Variants in LIN7A observed in about 807,000 individuals in gnomAD.
The protein encoded by LIN7A is lin-7 cell polarity scaffold A.
Under a neutral mutation model 29.8 loss-of-function variants are expected in LIN7A, and 25 were observed. The ratio of observed to expected loss-of-function variants is 0.84; its 90% CI spans 0.61 to 1.17. The LOEUF is 1.17. LIN7A is among the 50% of genes most tolerant of loss of function. The pLI is 0.00. For missense variants in LIN7A, 239 were observed against 287.0 expected, an observed-to-expected ratio of 0.83 and a Z score of 1.21; for synonymous variants, 118 against 107.5, an observed-to-expected ratio of 1.10 and a Z score of -0.60.
intron 1 of LIN7A, among the ~76,000 whole-genome samples, chr12:80,923,208 C>T (rs1389527282): frequency 4.6e-5 from 7 of 152,180 alleles, no homozygotes; most frequent in Non-Finnish European, 8.8e-5. Flanking sequence ...ACTGCAGTTT[C>T]TCTGGTTTCT....
chr12:80,933,804 A>G (rs1878052564), intron 1 of LIN7A, among the ~76,000 whole-genome samples: 2 of 151,928 alleles, frequency 1.3e-5, no homozygotes, highest in Non-Finnish European at 2.9e-5. Flanking sequence ...GTGTTCCTTT[A>G]CTAACACATC....
intron 4 of LIN7A, among the ~76,000 whole-genome samples, chr12:80,814,584 G>C (rs778274740): frequency 2.0e-5 from 3 of 151,978 alleles, no homozygotes; most frequent in Non-Finnish European, 2.9e-5. Flanking sequence ...GTTGCCACAG[G>C]AGGGCTGTGG....
At chr12:80,918,934 G>A (rs6539535) in intron 1 of LIN7A, among the ~76,000 whole-genome samples, 42,031 of 151,994 alleles carry the variant, frequency 0.28, 8,473 homozygotes, top group African/African-American at 0.56. Flanking sequence ...AACACTTATC[G>A]TTGTGTCACA....
chr12:80,845,792 C>T lies in LIN7A; in HGVS notation c.421G>A (p.Gly141Arg), dbSNP rs763937415. ...AGGCCTCCGTGTCTTTCAGCCACCC[C>T]TCCAGGAATTATGCGAGAGATATAA... ...PIYISRIIPG[G>R]VAERHGGLKR... Residue 141 changes from glycine to arginine, a missense_variant, in exon 4 of 6, where the codon GGG becomes AGG. Physicochemically the swap from Gly to Arg is moderately radical, Grantham distance 125 (BLOSUM62 -2). Coordinates refer to ENST00000552864, the MANE Select transcript of LIN7A (RefSeq NM_004664.4). 6.2e-7 allele frequency: 1 copy of T among 1,613,962 alleles called. No individual in the cohort carries two copies. Among genetic ancestry groups the T allele is most frequent in the Non-Finnish European group, 8.5e-7 (1 of 1,179,952 alleles).
Position 80,845,807 on chromosome 12 carries a change from G to A in LIN7A, c.406C>T (p.Arg136Cys), listed in dbSNP as rs1873047979. Reference sequence around the variant, plus strand: ...TCAGCCACCCCTCCAGGAATTATGCGAGAGATATAAATGGGGGAATTTTGC... The same window carrying A: ...TCAGCCACCCCTCCAGGAATTATGCAAGAGATATAAATGGGGGAATTTTGC... Reference protein sequence around the residue: ...KEQNSPIYISRIIPGGVAERH... With the variant: ...KEQNSPIYISCIIPGGVAERH... The change falls in exon 4 of 6, where the codon CGC becomes TGC. Residue 136 changes from arginine (R) to cysteine (C), a missense_variant. Coordinates refer to ENST00000552864, the MANE Select transcript of LIN7A (RefSeq NM_004664.4). The A allele has an allele frequency of 1.2e-6, 2 of 1,613,882 alleles. No homozygotes were observed. The highest frequency in any genetic ancestry group is 1.7e-6 in the Non-Finnish European group (2 of 1,179,934).
At chr12:80,799,881 G>A (rs894329665) in intron 5 of LIN7A, among the ~76,000 whole-genome samples, 4 of 152,060 alleles carry the variant, frequency 2.6e-5, no homozygotes, top group African/African-American at 9.7e-5. Context: ...GCACTGTGGT[G>A]CATGCCTGTA....
chr12:80,913,252 A>G (rs1414092336), intron 1 of LIN7A, among the ~76,000 whole-genome samples: 1 of 152,260 alleles, frequency 6.6e-6, no homozygotes, highest in Non-Finnish European at 1.5e-5. Context: ...TGCAAAGGAT[A>G]TAATACAACA....
intron 1 of LIN7A, among the ~76,000 whole-genome samples, chr12:80,905,217 T>C (rs950035516): frequency 6.6e-6 from 1 of 151,868 alleles, no homozygotes; most frequent in Non-Finnish European, 1.5e-5. Flanking sequence ...TGAGGCAGAG[T>C]GTGGCTCTGT....
intron 1 of LIN7A, among the ~76,000 whole-genome samples, chr12:80,901,230 C>A (rs1876197168): frequency 6.6e-6 from 1 of 152,132 alleles, no homozygotes; most frequent in Admixed American, 6.5e-5. Context: ...TCCTGTCCAT[C>A]CACACTATTC....
intron 1 of LIN7A, among the ~76,000 whole-genome samples, chr12:80,921,337 A>G (rs1339455291): frequency 1.3e-5 from 2 of 151,568 alleles, no homozygotes; most frequent in African/African-American, 4.9e-5. Context: ...TAGCAGCCCA[A>G]ATAGACTAAA....
At position 80,811,713 on chromosome 12, in the gene LIN7A, A is replaced by G; in HGVS notation, c.484-30T>C. 6 of 1,583,658 alleles carry G rather than the reference A, an allele frequency of 3.8e-6. No individual in the cohort carries two copies. The South Asian group carries it at 5.6e-5, about 15-fold the overall frequency. Reference sequence around the variant, plus strand: ...AAATACAATGACACTTCTTAAAGGGAGGAGGTTCAATGTTCTTTTCCCTGG... The same window carrying G: ...AAATACAATGACACTTCTTAAAGGGGGGAGGTTCAATGTTCTTTTCCCTGG... On this transcript the variant is annotated intron_variant, in intron 4 of 5. Transcript: ENST00000552864.
chr12:80,879,783 G>T (rs1239886369), intron 2 of LIN7A, among the ~76,000 whole-genome samples: 4 of 151,350 alleles, frequency 2.6e-5, no homozygotes, highest in African/African-American at 9.7e-5. Context: ...GCTCAAAGTT[G>T]CAGCTCACAC....
chr12:80,852,564 C>A (rs1468677507), intron 2 of LIN7A, among the ~76,000 whole-genome samples: 1 of 152,058 alleles, frequency 6.6e-6, no homozygotes, highest in African/African-American at 2.4e-5. Flanking sequence ...TGCTTTTATT[C>A]TAATAGCTGC....
chr12:80,820,630 TACACACACACAC>T (rs3072333), intron 4 of LIN7A, among the ~76,000 whole-genome samples: 2 of 147,426 alleles, frequency 1.4e-5, no homozygotes, highest in African/African-American at 2.5e-5. Flanking sequence ...GAAGATTAAA[TACACACACACAC>T]ACACACACAC....
intron 1 of LIN7A, among the ~76,000 whole-genome samples, chr12:80,924,230 G>C (rs1302161532): frequency 6.6e-6 from 1 of 152,154 alleles, no homozygotes; most frequent in African/African-American, 2.4e-5. Context: ...TGCAAACTGG[G>C]TGTCATAATT....
At chr12:80,900,908 T>C (rs549808347) in intron 1 of LIN7A, among the ~76,000 whole-genome samples, 9 of 152,304 alleles carry the variant, frequency 5.9e-5, no homozygotes, top group African/African-American at 1.7e-4. Flanking sequence ...AATGATTAAA[T>C]ATAATTGTCT....
At chr12:80,829,769 G>A (rs1872257464) in intron 4 of LIN7A, among the ~76,000 whole-genome samples, 1 of 151,970 alleles carries the variant, frequency 6.6e-6, no homozygotes, top group Non-Finnish European at 1.5e-5. Flanking sequence ...ATAATAATGT[G>A]TCATAACAAA....
chr12:80,811,948 A>T (rs1410357901), intron 4 of LIN7A, among the ~76,000 whole-genome samples: 1 of 152,204 alleles, frequency 6.6e-6, no homozygotes, highest in Non-Finnish European at 1.5e-5. Context: ...TTATAATGCT[A>T]ACATTAGGAA....
At chr12:80,818,340 A>G (rs1425598636) in intron 4 of LIN7A, among the ~76,000 whole-genome samples, 1 of 152,180 alleles carries the variant, frequency 6.6e-6, no homozygotes, top group Non-Finnish European at 1.5e-5. Context: ...GTATATGTAT[A>G]CTGTAGTTTT....
Sources: allele counts gnomAD v4.1 joint callset (sites outside exome capture counted in the v4.1 genomes callset), GRCh38; gene constraint gnomAD v4.1.1; transcripts MANE v1.5; gene names NCBI Gene and HGNC (gene_info 2026-07-23, HGNC 2026-07-21).